PCYT2: variants seen among roughly 807,000 people sequenced by gnomAD.
PCYT2 encodes ethanolamine-phosphate cytidylyltransferase.
PCYT2 carries 33 observed loss-of-function variants against 50.0 expected under a neutral mutation model. That is an observed-to-expected ratio of 0.66 (90% CI 0.50 to 0.88). The LOEUF (loss-of-function observed/expected upper bound fraction) is 0.88. Ranked by LOEUF, PCYT2 falls within the 40% of genes least tolerant of loss-of-function variation. PCYT2 has a pLI of 0.00. For synonymous variants in PCYT2, 240 were observed against 203.7 expected (o/e 1.18, Z -1.52); for missense variants, 430 against 519.7 (o/e 0.83, Z 1.68).
intron 8 of PCYT2, 67 bp from the exon 9 acceptor site, chr17:81,906,244 C>G (rs1176033638): frequency 1.4e-6 from 2 of 1,410,306 alleles, no homozygotes; most frequent in African/African-American, 2.8e-5. Flanking sequence ...CCCCTCCCGG[C>G]TGTCCCTCAT....
intron 4 of PCYT2, 86 bp from the exon 5 acceptor site, chr17:81,907,943 C>T (rs1458319111): frequency 2.6e-6 from 3 of 1,149,550 alleles, no homozygotes; most frequent in Non-Finnish European, 3.8e-6. Flanking sequence ...ACACTAGCAG[C>T]CCTGCTGTGG....
Position 81,902,835 on chromosome 17 carries a change from C to T in PCYT2, c.*1998G>A, listed in dbSNP as rs911111369. The T allele has an allele frequency of 8.5e-7, 1 of 1,181,156 alleles. No homozygotes were observed. The highest frequency in any genetic ancestry group is 1.2e-6 in the Non-Finnish European group (1 of 854,744). 73.2% of individuals were successfully genotyped at this position (1,181,156 alleles called of 1,614,324 possible). On this transcript the variant is annotated 3_prime_UTR_variant, in exon 13 of 13. Coordinates refer to ENST00000538936, the MANE Select transcript of PCYT2 (RefSeq NM_002861.5). ...CAGGCCCCTCCGGCGCGGGATGGCGCCCCAGGTCTCCCCTACTCCGCTCAC... is the reference window on the plus strand; with the variant it reads ...CAGGCCCCTCCGGCGCGGGATGGCGTCCCAGGTCTCCCCTACTCCGCTCAC...
chr17:81,903,520 A>C lies in PCYT2; in HGVS notation c.*1313T>G, dbSNP rs560324339. The stretch of plus-strand genomic sequence containing the variant: ...GCCCCTGTCCAGCACCAATCTGTCT[A>C]TGGGGAACTGGCTGGTCCCTCTGCT... On this transcript the variant is annotated 3_prime_UTR_variant, in exon 13 of 13. Coordinates refer to ENST00000538936, the MANE Select transcript of PCYT2 (RefSeq NM_002861.5). 2 of 152,334 alleles carry C rather than the reference A, an allele frequency of 1.3e-5. No individual in the cohort carries two copies. The highest frequency in any genetic ancestry group is 2.9e-5 in the Non-Finnish European group (2 of 68,146). The allele number at this position is 152,334 out of a possible 1,614,324, so 9.4% of individuals were successfully genotyped here.
In PCYT2 at chr17:81,905,498, G is replaced by A. The variant is rs535223165; in HGVS notation, c.904-51C>T. The A allele has an allele frequency of 5.1e-5, 77 of 1,515,394 alleles. 1 individual carries two copies. In the South Asian group the frequency reaches 5.9e-4, roughly 12 times the overall value. The allele number at this position is 1,515,394 out of a possible 1,614,324, so 93.9% of individuals were successfully genotyped here. A position where few individuals can be genotyped will look rare whatever the true frequency, so the allele number is the denominator to read the frequency against. ...CCTCCCCGGGGAGGCAGCGGCCGTC[G>A]CCACCCACAGCCCAGCACAGGCCCC... On this transcript the variant is annotated intron_variant, in intron 10 of 12. Coordinates refer to ENST00000538936, the MANE Select transcript of PCYT2 (RefSeq NM_002861.5).
chr17:81,909,321 G>A, intron 2 of PCYT2, 193 bp downstream of exon 2: 6 of 1,434,370 alleles, frequency 4.2e-6, no homozygotes, highest in South Asian at 1.5e-5. Flanking sequence ...CTTCTCTTTA[G>A]CTGGGACAGG....
At position 81,903,520 on chromosome 17, in the gene PCYT2, A is replaced by T. The variant is rs560324339; in HGVS notation, c.*1313T>A. On this transcript the variant is annotated 3_prime_UTR_variant, in exon 13 of 13. Transcript: ENST00000538936. Reference sequence around the variant, plus strand: ...GCCCCTGTCCAGCACCAATCTGTCTATGGGGAACTGGCTGGTCCCTCTGCT... The same window carrying T: ...GCCCCTGTCCAGCACCAATCTGTCTTTGGGGAACTGGCTGGTCCCTCTGCT... 1 of 152,334 alleles carries T rather than the reference A, an allele frequency of 6.6e-6. No homozygotes were observed. The highest frequency in any genetic ancestry group is 1.5e-5 in the Non-Finnish European group (1 of 68,146). The allele number at this position is 152,334 out of a possible 1,614,324, so 9.4% of individuals were successfully genotyped here. A position where few individuals can be genotyped will look rare whatever the true frequency, so the allele number is the denominator to read the frequency against.
At chr17:81,905,522 C>T in intron 10 of PCYT2, 75 bp from the exon 11 acceptor site, 1 of 1,483,026 alleles carries the variant, frequency 6.7e-7, no homozygotes, top group African/African-American at 1.4e-5. Context: ...AGCACAGGCC[C>T]CGGGGGTTGG....
At chr17:81,905,560 C>T (rs953887999) in intron 10 of PCYT2, 110 bp downstream of exon 10, 1 of 1,430,562 alleles carries the variant, frequency 7.0e-7, no homozygotes, top group Non-Finnish European at 9.8e-7. Flanking sequence ...TTTCCTCAGC[C>T]CAGGTACCTC....
chr17:81,909,936 C>T (rs899529452), intron 1 of PCYT2, among the ~76,000 whole-genome samples: 14 of 152,166 alleles, frequency 9.2e-5, no homozygotes, highest in Admixed American at 3.9e-4. Context: ...ATCCCCTCAC[C>T]AAATATCAAC....
rs370127835 is a variant in PCYT2, at chr17:81,906,219, G to C, written c.760-42C>G. On this transcript the variant is annotated intron_variant, in intron 8 of 12. Transcript: ENST00000538936. ...GCTAGCTCAGCCCGGAGACTTTTTGGGGGGACAGGGTGTGCCCCTCCCGGC... is the reference window on the plus strand; with the variant it reads ...GCTAGCTCAGCCCGGAGACTTTTTGCGGGGACAGGGTGTGCCCCTCCCGGC... 6.9e-5 allele frequency: 107 copies of C among 1,544,576 alleles called. 1 individual carries two copies. The highest frequency in any genetic ancestry group is 6.8e-4 in the South Asian group (58 of 85,142).
At position 81,901,934 on chromosome 17, in the gene PCYT2, G is replaced by A; in HGVS notation, c.*2899C>T. On this transcript the variant is annotated 3_prime_UTR_variant, in exon 13 of 13. Transcript: ENST00000538936. ...GAGTACTGGGGATTGCCTGGGGGAC[G>A]ACTCCTAGGGCTGGGCGCCCGTGGG... 1 of 185,832 alleles carries A rather than the reference G, an allele frequency of 5.4e-6. No homozygotes were observed. Among genetic ancestry groups the A allele is most frequent in the Non-Finnish European group, 1.1e-5 (1 of 90,454 alleles). 11.5% of individuals were successfully genotyped at this position (185,832 alleles called of 1,614,324 possible). A position where few individuals can be genotyped will look rare whatever the true frequency, so the allele number is the denominator to read the frequency against.
At position 81,911,260 on chromosome 17, in the gene PCYT2, C is replaced by A. The variant is rs777459868; in HGVS notation, c.89+7G>T. ...GCCCCCGCGGCCCGCCCCGGCCCCGCGCTCACCAGCCATCGCACCACACCC... is the reference window on the plus strand; with the variant it reads ...GCCCCCGCGGCCCGCCCCGGCCCCGAGCTCACCAGCCATCGCACCACACCC... On this transcript the variant is annotated splice_region_variant and intron_variant, in intron 1 of 12. Transcript: ENST00000538936. 1.9e-6 allele frequency: 2 copies of A among 1,055,938 alleles called. No individual in the cohort carries two copies. The highest frequency in any genetic ancestry group is 3.8e-5 in the South Asian group (1 of 26,448). The allele number at this position is 1,055,938 out of a possible 1,614,324, so 65.4% of individuals were successfully genotyped here. A position where few individuals can be genotyped will look rare whatever the true frequency, so the allele number is the denominator to read the frequency against.
intron 1 of PCYT2, 86 bp from the exon 2 acceptor site, chr17:81,909,688 C>T: frequency 9.9e-7 from 1 of 1,011,084 alleles, no homozygotes; most frequent in East Asian, 2.4e-5. Context: ...CTTTGCTCCT[C>T]TGAGGACTCC....
rs1285589921 is a variant in PCYT2, at chr17:81,908,916, C to T, written c.300G>A (p.Glu100=). The change falls in exon 3 of 13, where the codon GAG becomes GAA. Residue 100 remains glutamate, a synonymous_variant. Coordinates refer to ENST00000538936, the MANE Select transcript of PCYT2 (RefSeq NM_002861.5). The part of the protein sequence containing the change: ...VPAAPYVTTL[E]TLDKYNCDFC... ...AGTCACAGTTGTATTTGTCCAGGGT[C>T]TCTAGTGTAGTGACGTAGGGAGCCG... 1.2e-6 allele frequency: 2 copies of T among 1,614,026 alleles called. No individual in the cohort carries two copies. Among genetic ancestry groups the T allele is most frequent in the Admixed American group, 1.7e-5 (1 of 60,020 alleles).
intron 1 of PCYT2, among the ~76,000 whole-genome samples, chr17:81,909,832 C>A (rs1202218575): frequency 1.3e-5 from 2 of 152,166 alleles, no homozygotes; most frequent in Non-Finnish European, 2.9e-5. Flanking sequence ...GAAAGGGTGG[C>A]AGGGGCAGAG....
At chr17:81,905,784 T>C in intron 9 of PCYT2, 49 bp from the exon 10 acceptor site, 1 of 1,566,354 alleles carries the variant, frequency 6.4e-7, no homozygotes, top group Non-Finnish European at 8.8e-7. Context: ...CTGCTACTGG[T>C]AAGCCAGGGC....
In PCYT2 at chr17:81,902,153, A is replaced by G; in HGVS notation, c.*2680T>C. 1.1e-6 allele frequency: 1 copy of G among 928,146 alleles called. No individual in the cohort carries two copies. Among genetic ancestry groups the G allele is most frequent in the Non-Finnish European group, 1.4e-6 (1 of 726,866 alleles). 57.5% of individuals were successfully genotyped at this position (928,146 alleles called of 1,614,324 possible). On this transcript the variant is annotated 3_prime_UTR_variant, in exon 13 of 13. Coordinates refer to ENST00000538936, the MANE Select transcript of PCYT2 (RefSeq NM_002861.5). Reference sequence around the variant, plus strand: ...CCTCCGCGCGCGCCCGCTGCACCCCAGCCCGCCCGCCGCCCCTCCCGGCCC... The same window carrying G: ...CCTCCGCGCGCGCCCGCTGCACCCCGGCCCGCCCGCCGCCCCTCCCGGCCC...
At chr17:81,908,806 T>C (rs2143715019) in intron 3 of PCYT2, 70 bp downstream of exon 3, 1 of 1,473,448 alleles carries the variant, frequency 6.8e-7, no homozygotes, top group South Asian at 1.2e-5. Context: ...TTCCCGGATG[T>C]CCCACCAGCA....
intron 1 of PCYT2, 156 bp downstream of exon 1, chr17:81,911,111 C>A: frequency 1.0e-6 from 1 of 1,002,594 alleles, no homozygotes; most frequent in African/African-American, 1.7e-5. Context: ...GCCCGACCCT[C>A]CCGGCAGGCG....
Sources: allele counts gnomAD v4.1 joint callset (sites outside exome capture counted in the v4.1 genomes callset), GRCh38; gene constraint gnomAD v4.1.1; transcripts MANE v1.5; gene names NCBI Gene and HGNC (gene_info 2026-07-23, HGNC 2026-07-21).